The following LYRM4 variants were observed in gnomAD, a reference collection of about 807,000 sequenced individuals.
LYRM4 encodes LYR motif-containing protein 4.
Under a neutral mutation model 11.7 loss-of-function variants are expected in LYRM4, and 9 were observed. The observed-to-expected ratio is 0.77, with a 90% CI of 0.46 to 1.34. The LOEUF (loss-of-function observed/expected upper bound fraction) is 1.34, where lower values mean the gene tolerates loss of function less well. Ranked by LOEUF, LYRM4 falls within the 40% of genes most tolerant of loss-of-function variation. The probability of loss-of-function intolerance (pLI) is 0.00; values close to 1 mark genes in which losing one functional copy is unlikely to be tolerated. For synonymous variants in LYRM4, 42 were observed against 40.4 expected (o/e 1.04, Z -0.15); for missense variants, 133 against 112.5 (o/e 1.18, Z -0.82).
intron 1 of LYRM4, among the ~76,000 whole-genome samples, chr6:5,255,253 C>G (rs577160846): frequency 6.3e-4 from 96 of 152,290 alleles, no homozygotes; most frequent in South Asian, 6.2e-4. Flanking sequence ...AGGAAGACAT[C>G]TGCATTCTCT....
At chr6:5,055,014 CAAG>C in the LYRM4 span, among the ~76,000 whole-genome samples, 1 of 152,144 alleles carries the variant, frequency 6.6e-6, no homozygotes, top group African/African-American at 2.4e-5. This position sits in a 1 kb window ranked among gnomAD's most constrained non-coding sequence, Gnocchi z 4.5. Flanking sequence ...TAGGGTCAGA[CAAG>C]AGACATTCAC....
chr6:5,080,144 G>A, the LYRM4 span, among the ~76,000 whole-genome samples: 1 of 152,178 alleles, frequency 6.6e-6, no homozygotes, highest in Non-Finnish European at 1.5e-5. Context: ...TGTTTATGTG[G>A]CACTACTATA....
chr6:5,177,067 A>T (rs1759760231), intron 2 of LYRM4, among the ~76,000 whole-genome samples: 1 of 152,228 alleles, frequency 6.6e-6, no homozygotes, highest in Admixed American at 6.5e-5. Flanking sequence ...AAACTTGAGA[A>T]TGCCAATAGG....
At chr6:5,101,773 C>T (rs543945338), downstream of LYRM4, among the ~76,000 whole-genome samples, 2 of 152,040 alleles carry the variant, frequency 1.3e-5, no homozygotes, top group African/African-American at 4.8e-5. Context: ...TTTCTTTTCA[C>T]CATCCTCAAA....
chr6:5,195,729 G>T (rs1761014600), intron 2 of LYRM4, among the ~76,000 whole-genome samples: 1 of 152,162 alleles, frequency 6.6e-6, no homozygotes, highest in African/African-American at 2.4e-5. Context: ...GACAGGAAAA[G>T]GGTGGGGTCA....
intron 2 of LYRM4, chr6:5,132,842 C>T (rs751966047): frequency 6.6e-6 from 1 of 152,218 alleles, no homozygotes; most frequent in Non-Finnish European, 1.5e-5. Flanking sequence ...TCCGTTTAAC[C>T]TATTTGCAAC....
intron 1 of LYRM4, among the ~76,000 whole-genome samples, chr6:5,244,655 G>A (rs1478438270): frequency 1.3e-5 from 2 of 152,098 alleles, no homozygotes; most frequent in Non-Finnish European, 2.9e-5. Flanking sequence ...TGGGATAGAG[G>A]GTTGGGACCT....
At chr6:5,218,790 C>T (rs2127726526) in intron 1 of LYRM4, among the ~76,000 whole-genome samples, 1 of 152,332 alleles carries the variant, frequency 6.6e-6, no homozygotes, top group South Asian at 2.1e-4. Context: ...TACAGACTCT[C>T]CTCAGGTGCA....
intron 2 of LYRM4, among the ~76,000 whole-genome samples, chr6:5,119,423 G>C (rs985785584): frequency 1.3e-5 from 2 of 152,240 alleles, no homozygotes; most frequent in Non-Finnish European, 2.9e-5. Context: ...TGAACACGCA[G>C]TTGTCCTCAC....
At chr6:5,037,028 T>TTTTTTA in the LYRM4 span, among the ~76,000 whole-genome samples, 1 of 11,604 alleles carries the variant, frequency 8.6e-5, no homozygotes. Flanking sequence ...TTTTTTTTTT[T>TTTTTTA]ATTGATCATT....
At chr6:5,245,120 A>ATATATATG (rs1764122191) in intron 1 of LYRM4, among the ~76,000 whole-genome samples, 1 of 23,422 alleles carries the variant, frequency 4.3e-5, no homozygotes, top group Non-Finnish European at 7.9e-5. Context: ...AAAAATATAT[A>ATATATATG]TATATATATA....
chr6:5,163,462 GAACA>G (rs1758887110), intron 2 of LYRM4, among the ~76,000 whole-genome samples: 1 of 151,060 alleles, frequency 6.6e-6, no homozygotes, highest in South Asian at 2.1e-4. Context: ...CAGAGCTTTA[GAACA>G]GGCTTGGCAT....
chr6:5,129,946 C>T (rs777845152), intron 2 of LYRM4, among the ~76,000 whole-genome samples: 8 of 152,224 alleles, frequency 5.3e-5, no homozygotes, highest in South Asian at 2.1e-4. Flanking sequence ...GGCAGCTGTG[C>T]TGCAGAAGTC....
intron 2 of LYRM4, among the ~76,000 whole-genome samples, chr6:5,141,515 G>C (rs1757408501): frequency 6.6e-6 from 1 of 152,208 alleles, no homozygotes; most frequent in Admixed American, 6.5e-5. Context: ...CACCGTAGCG[G>C]AACAGTACTG....
intron 2 of LYRM4, among the ~76,000 whole-genome samples, chr6:5,155,871 T>C (rs964229912): frequency 6.6e-6 from 1 of 152,226 alleles, no homozygotes; most frequent in Non-Finnish European, 1.5e-5. Context: ...CAAAGTATTA[T>C]ACATGTTCCC....
chr6:5,229,003 C>CAAAAAAAAAA (rs70974180), intron 1 of LYRM4, among the ~76,000 whole-genome samples: 137 of 37,974 alleles, frequency 3.6e-3, no homozygotes, highest in African/African-American at 0.015. Flanking sequence ...GGCTCAGTCT[C>CAAAAAAAAAA]AAAAAAAAAA....
At chr6:5,248,133 T>C (rs1764274554) in intron 1 of LYRM4, among the ~76,000 whole-genome samples, 1 of 152,374 alleles carries the variant, frequency 6.6e-6, no homozygotes, top group South Asian at 2.1e-4. Flanking sequence ...TGATGCTTCA[T>C]TTGGAATAAC....
At chr6:5,196,968 G>A (rs1761089278) in intron 2 of LYRM4, among the ~76,000 whole-genome samples, 1 of 152,182 alleles carries the variant, frequency 6.6e-6, no homozygotes, top group African/African-American at 2.4e-5. Flanking sequence ...CATTATTGAT[G>A]TCAATTAAAA....
At chr6:5,160,906 C>T (rs1758721527) in intron 2 of LYRM4, among the ~76,000 whole-genome samples, 1 of 152,102 alleles carries the variant, frequency 6.6e-6, no homozygotes, top group Non-Finnish European at 1.5e-5. Context: ...CGATTTAGAC[C>T]AGAAAAATGG....
Sources: gnomAD v4.1 joint callset for allele counts (sites outside exome capture counted in the v4.1 genomes callset) on GRCh38, gnomAD v4.1.1 for gene constraint, Gnocchi (gnomAD v3.1) non-coding constraint, MANE v1.5 for transcripts, NCBI Gene and HGNC (gene_info 2026-07-23, HGNC 2026-07-21) for gene names.